The following KDM2A variants were observed in gnomAD, a reference collection of about 807,000 sequenced individuals.
KDM2A encodes lysine-specific demethylase 2A.
KDM2A carries 3 observed loss-of-function variants against 137.3 expected under a neutral mutation model. The ratio of observed to expected loss-of-function variants is 0.02; its 90% CI spans 0.01 to 0.06. The LOEUF is 0.06. KDM2A is among the 10% of genes least tolerant of loss of function. The probability of loss-of-function intolerance (pLI) is 1.00; values close to 1 mark genes in which losing one functional copy is unlikely to be tolerated. For synonymous variants in KDM2A, 512 were observed against 541.5 expected (o/e 0.95, Z 0.76); for missense variants, 738 against 1,510.6 (o/e 0.49, Z 8.48).
At chr11:67,125,621 A>T (rs1855703153) in intron 2 of KDM2A, among the ~76,000 whole-genome samples, 1 of 151,796 alleles carries the variant, frequency 6.6e-6, no homozygotes, top group South Asian at 2.1e-4. Context: ...AAAATACAAA[A>T]ATTAGCTGGG....
rs2136336576 is a variant in KDM2A at position 67,181,826 on chromosome 11, T to G, written c.261-20T>G. On this transcript the variant is annotated intron_variant, in intron 4 of 20. Coordinates refer to ENST00000529006, the MANE Select transcript of KDM2A (RefSeq NM_012308.3). ...AGCAATTGTGTTTTCCATATATACT[T>G]ACTGGTGTTTGTTTCATAGAATGCC... is the stretch of plus-strand genomic sequence containing the variant. The G allele has an allele frequency of 6.2e-7, 1 of 1,611,040 alleles. No homozygotes were observed. Among genetic ancestry groups the G allele is most frequent in the Non-Finnish European group, 8.5e-7 (1 of 1,177,260 alleles).
intron 2 of KDM2A, among the ~76,000 whole-genome samples, chr11:67,167,520 A>G (rs975245197): frequency 7.9e-5 from 12 of 151,652 alleles, no homozygotes; most frequent in African/African-American, 2.2e-4. Flanking sequence ...TCTTGGGGGA[A>G]CTTTTTAGGG....
At position 67,255,574 on chromosome 11, in the gene KDM2A, C is replaced by T. The variant is rs775491984; in HGVS notation, c.*519C>T. The T allele has an allele frequency of 8.8e-6, 4 of 456,804 alleles. No individual in the cohort carries two copies. The highest frequency in any genetic ancestry group is 4.6e-5 in the South Asian group (3 of 64,564). The allele number at this position is 456,804 out of a possible 1,614,324, so 28.3% of individuals were successfully genotyped here. A position where few individuals can be genotyped will look rare whatever the true frequency, so the allele number is the denominator to read the frequency against. On this transcript the variant is annotated 3_prime_UTR_variant, in exon 21 of 21. Transcript: ENST00000529006. ...AGCCCCAGGAGTCCCAGACCCGTGC[C>T]GATCACACTGGTGCTGTTGAGATCT...
At chr11:67,212,782 TAA>T (rs35372040) in intron 6 of KDM2A, among the ~76,000 whole-genome samples, 2 of 143,044 alleles carry the variant, frequency 1.4e-5, no homozygotes, top group Admixed American at 6.9e-5. Flanking sequence ...GAATGCGTGG[TAA>T]AAAAAAAAAA....
intron 2 of KDM2A, among the ~76,000 whole-genome samples, chr11:67,136,899 G>A (rs1855980509): frequency 6.6e-6 from 1 of 152,182 alleles, no homozygotes; most frequent in South Asian, 2.1e-4. Flanking sequence ...TACTAGTAAT[G>A]TTAATTACAG....
intron 6 of KDM2A, among the ~76,000 whole-genome samples, chr11:67,214,097 G>A (rs1276644090): frequency 6.6e-6 from 1 of 151,958 alleles, no homozygotes; most frequent in Non-Finnish European, 1.5e-5. Flanking sequence ...CTGGAGTGCA[G>A]TGGCACCATC....
chr11:67,214,290 C>T (rs974327287), intron 6 of KDM2A, among the ~76,000 whole-genome samples: 2 of 150,660 alleles, frequency 1.3e-5, no homozygotes, highest in African/African-American at 2.4e-5. Flanking sequence ...CTGCAAGCTC[C>T]GCCTCCCGGG....
At chr11:67,199,325 T>G (rs1410051371) in intron 5 of KDM2A, among the ~76,000 whole-genome samples, 1 of 152,172 alleles carries the variant, frequency 6.6e-6, no homozygotes, top group Non-Finnish European at 1.5e-5. Context: ...CTCTCTCACT[T>G]TAAATCAAAA....
At chr11:67,131,819 T>C (rs1208505090) in intron 2 of KDM2A, 4 of 152,220 alleles carry the variant, frequency 2.6e-5, no homozygotes, top group Non-Finnish European at 5.9e-5. Context: ...AGATGGCACA[T>C]TCTTTCTTTT....
chr11:67,168,588 C>T (rs1426075306), intron 2 of KDM2A, among the ~76,000 whole-genome samples: 3,794 of 15,250 alleles, frequency 0.25, 1,569 homozygotes, highest in Middle Eastern at 0.42. Context: ...ATTATACACA[C>T]ACACACACAC....
intron 5 of KDM2A, among the ~76,000 whole-genome samples, chr11:67,206,631 G>A (rs1857812786): frequency 6.6e-6 from 1 of 152,088 alleles, no homozygotes; most frequent in East Asian, 1.9e-4. Context: ...AGCTACTGTG[G>A]AGGTTGAGGC....
intron 5 of KDM2A, among the ~76,000 whole-genome samples, chr11:67,201,203 AATATAT>A (rs1555090516): frequency 1.1e-5 from 1 of 89,480 alleles, no homozygotes; most frequent in East Asian, 2.9e-4. Context: ...CAAAAAAAAA[AATATAT>A]ATATATATAT....
chr11:67,189,982 AAAG>A lies in KDM2A; in HGVS notation c.307+8093_307+8095del, dbSNP rs1221074314. On this transcript the variant is annotated intron_variant, in intron 5 of 20. Transcript: ENST00000529006. ...AATAAAGATTAGAGATAAATGAAAT[AAAG>A]AATAGAAAAACAATAGAGAAAAGTC... Among the ~76,000 whole-genome samples the A allele has an allele frequency of 3.3e-5, 5 of 152,256 alleles. No individual in the cohort carries two copies. The East Asian group carries it at 7.7e-4, about 23-fold the overall frequency.
chr11:67,246,521 C>T (rs1859212112), intron 15 of KDM2A, among the ~76,000 whole-genome samples: 1 of 151,782 alleles, frequency 6.6e-6, no homozygotes, highest in Admixed American at 6.6e-5. Context: ...TATCAGATAA[C>T]ATTTAATGAG....
intron 6 of KDM2A, among the ~76,000 whole-genome samples, chr11:67,214,914 T>C (rs1376689410): frequency 6.6e-6 from 1 of 152,178 alleles, no homozygotes; most frequent in Non-Finnish European, 1.5e-5. Flanking sequence ...ATTTTTTTCT[T>C]TTTTTTGGCC....
intron 7 of KDM2A, 66 bp downstream of exon 7, chr11:67,215,512 CTTCTCCCTTACGAGCT>C: frequency 9.6e-7 from 1 of 1,038,392 alleles, no homozygotes; most frequent in East Asian, 2.5e-5. Context: ...CAAGGATTGG[CTTCTCCCTTACGAGCT>C]TTGCTCTGTG....
chr11:67,203,097 A>G (rs1182799931), intron 5 of KDM2A, among the ~76,000 whole-genome samples: 3 of 152,152 alleles, frequency 2.0e-5, no homozygotes, highest in African/African-American at 4.8e-5. Flanking sequence ...CACCACTCTG[A>G]TCAGTCAGCA....
rs1437120182 is a variant in KDM2A at position 67,119,602 on chromosome 11, CGGGGCCGGGGCCCGCGTTCCGG to C, written c.-519_-498del. On this transcript the variant is annotated 5_prime_UTR_variant, in exon 1 of 21. Transcript: ENST00000529006. ...CGCCGCTCCCGCCCTGTCCGCCCCC[CGGGGCCGGGGCCCGCGTTCCGG>C]GGGGCCGGGGCGGCGCGGGGAGCCT... 2.0e-5 allele frequency: 3 copies of C among 149,798 alleles called. No homozygotes were observed. Among genetic ancestry groups the C allele is most frequent in the Admixed American group, 6.6e-5 (1 of 15,066 alleles). 9.3% of individuals were successfully genotyped at this position (149,798 alleles called of 1,614,324 possible). A position where few individuals can be genotyped will look rare whatever the true frequency, so the allele number is the denominator to read the frequency against.
chr11:67,165,534 A>G (rs1856720882), intron 2 of KDM2A, among the ~76,000 whole-genome samples: 1 of 152,194 alleles, frequency 6.6e-6, no homozygotes. Context: ...TTTGTTGATT[A>G]AGAGACTGAC....
Sources: allele counts gnomAD v4.1 joint callset (sites outside exome capture counted in the v4.1 genomes callset), GRCh38; gene constraint gnomAD v4.1.1; transcripts MANE v1.5; gene names NCBI Gene and HGNC (gene_info 2026-07-23, HGNC 2026-07-21).